Variants in PHC2 observed in about 807,000 individuals in gnomAD.
The protein encoded by PHC2 is polyhomeotic-like protein 2.
Under a neutral mutation model 87.4 loss-of-function variants are expected in PHC2, and 29 were observed. The observed-to-expected ratio is 0.33, with a 90% confidence interval of 0.25 to 0.45. The LOEUF is 0.45. Ranked by LOEUF, PHC2 falls within the 20% of genes least tolerant of loss-of-function variation. The probability of loss-of-function intolerance (pLI) is 1.00; values close to 1 mark genes in which losing one functional copy is unlikely to be tolerated. For missense variants in PHC2, 857 were observed against 1,136.7 expected (o/e 0.75, Z 3.54); for synonymous variants, 438 against 461.7 (o/e 0.95, Z 0.66).
intron 1 of PHC2, among the ~76,000 whole-genome samples, chr1:33,399,331 A>T (rs908737026): frequency 5.5e-5 from 8 of 145,828 alleles, no homozygotes; most frequent in Non-Finnish European, 1.3e-4. Flanking sequence ...TACTTTGGAC[A>T]CTGAGCTCAC....
intron 1 of PHC2, among the ~76,000 whole-genome samples, chr1:33,421,365 T>C (rs1650429149): frequency 1.3e-5 from 2 of 151,704 alleles, no homozygotes; most frequent in Admixed American, 1.3e-4. Flanking sequence ...GTACTTGAGG[T>C]TGGGGGAAAT....
intron 1 of PHC2, among the ~76,000 whole-genome samples, chr1:33,396,978 C>T (rs545141617): frequency 8.5e-5 from 13 of 152,170 alleles, no homozygotes; most frequent in Middle Eastern, 3.2e-3. Context: ...AGTGTTAACA[C>T]GAGGAGTCTG....
chr1:33,415,467 T>C (rs1650166624), intron 1 of PHC2, among the ~76,000 whole-genome samples: 1 of 152,186 alleles, frequency 6.6e-6, no homozygotes, highest in South Asian at 2.1e-4. Context: ...GGACCCACCA[T>C]AATAAAGCTT....
intron 1 of PHC2, among the ~76,000 whole-genome samples, chr1:33,430,601 C>G (rs12121922): frequency 2.0e-5 from 3 of 152,068 alleles, no homozygotes; most frequent in African/African-American, 7.2e-5. Context: ...CCGGAGAAAG[C>G]GAGTCACTGA....
At chr1:33,390,026 G>C (rs1386255252) in intron 1 of PHC2, among the ~76,000 whole-genome samples, 1 of 152,104 alleles carries the variant, frequency 6.6e-6, no homozygotes, top group Non-Finnish European at 1.5e-5. Context: ...ATTATAAGAA[G>C]ATAGATTTCA....
chr1:33,352,633 G>T (rs1646994636), intron 9 of PHC2, among the ~76,000 whole-genome samples: 1 of 152,202 alleles, frequency 6.6e-6, no homozygotes, highest in Non-Finnish European at 1.5e-5. Context: ...TGAGACTAGG[G>T]AGAGCTGGCA....
At chr1:33,354,759 A>G (rs1647037162) in intron 8 of PHC2, 79 bp downstream of exon 8, 18 of 1,489,346 alleles carry the variant, frequency 1.2e-5, no homozygotes, top group Non-Finnish European at 1.6e-5. Context: ...ACCCAGAAGC[A>G]CCTCTTGACG....
intron 9 of PHC2, among the ~76,000 whole-genome samples, chr1:33,341,121 G>A (rs1454085600): frequency 1.3e-5 from 2 of 152,200 alleles, no homozygotes; most frequent in Non-Finnish European, 2.9e-5. Flanking sequence ...TGCTGGGCAA[G>A]TTACTCTAGG....
intron 7 of PHC2, 103 bp downstream of exon 7, chr1:33,367,013 G>A: frequency 3.0e-6 from 3 of 995,326 alleles, no homozygotes; most frequent in Non-Finnish European, 4.5e-6. Context: ...TCCATGGCTG[G>A]TATCTTTGCA....
At chr1:33,428,812 A>C (rs1650787004) in intron 1 of PHC2, among the ~76,000 whole-genome samples, 1 of 152,294 alleles carries the variant, frequency 6.6e-6, no homozygotes, top group African/African-American at 2.4e-5. Flanking sequence ...AGAAAGGAGG[A>C]GGCATTGGAA....
chr1:33,356,249 T>TTATATATATATATATATATATGTATATA (rs1553185621), intron 7 of PHC2, among the ~76,000 whole-genome samples: 1 of 101,534 alleles, frequency 9.8e-6, no homozygotes, highest in Non-Finnish European at 2.2e-5. Context: ...GTGAAAATTC[T>TTATATATATATATATATATATGTATATA]TATATATATA....
chr1:33,353,914 G>T (rs1308150312), intron 9 of PHC2, among the ~76,000 whole-genome samples: 1 of 152,220 alleles, frequency 6.6e-6, no homozygotes, highest in African/African-American at 2.4e-5. Context: ...GGGGATCCCA[G>T]AGCTGAGCAG....
intron 7 of PHC2, among the ~76,000 whole-genome samples, chr1:33,366,696 G>A (rs1266226553): frequency 5.3e-5 from 8 of 152,324 alleles, no homozygotes; most frequent in Non-Finnish European, 1.5e-5. Flanking sequence ...GCTGAATGAT[G>A]AGAAAAATAA....
chr1:33,350,032 C>G (rs1163061872), intron 9 of PHC2: 2 of 210,918 alleles, frequency 9.5e-6, no homozygotes, highest in African/African-American at 4.7e-5. Context: ...CGAGCCCCGC[C>G]TCGCGCCCTC....
At chr1:33,365,252 T>C (rs889548737) in intron 7 of PHC2, among the ~76,000 whole-genome samples, 1 of 152,198 alleles carries the variant, frequency 6.6e-6, no homozygotes, top group Admixed American at 6.5e-5. Context: ...ATGCATACAA[T>C]GCAGGGCACG....
chr1:33,380,650 T>C (rs1357560321), intron 1 of PHC2, among the ~76,000 whole-genome samples: 2 of 152,266 alleles, frequency 1.3e-5, no homozygotes, highest in Non-Finnish European at 2.9e-5. Context: ...GAACACGGCA[T>C]ATAAGTCCTT....
chr1:33,401,903 T>G (rs905291852), intron 1 of PHC2, among the ~76,000 whole-genome samples: 2 of 152,168 alleles, frequency 1.3e-5, no homozygotes, highest in Non-Finnish European at 1.5e-5. Flanking sequence ...ACAAGATTTT[T>G]AGGAGAAAAT....
intron 1 of PHC2, among the ~76,000 whole-genome samples, chr1:33,411,765 T>C (rs977577356): frequency 2.6e-5 from 4 of 152,142 alleles, no homozygotes; most frequent in Non-Finnish European, 5.9e-5. Context: ...TTCACCATGT[T>C]GGCCAGGATG....
chr1:33,325,076 C>T (rs754524835), intron 14 of PHC2, 57 bp from the exon 15 acceptor site: 6 of 1,488,966 alleles, frequency 4.0e-6, no homozygotes, highest in Non-Finnish European at 5.5e-6. Context: ...TCACCTCTGG[C>T]AGCCACTGCA....
Sources: gnomAD v4.1 joint callset for allele counts (sites outside exome capture counted in the v4.1 genomes callset) on GRCh38, gnomAD v4.1.1 for gene constraint, MANE v1.5 for transcripts, NCBI Gene and HGNC (gene_info 2026-07-23, HGNC 2026-07-21) for gene names.